AOAH: variants seen among roughly 807,000 people sequenced by gnomAD.
The protein encoded by AOAH is acyloxyacyl hydrolase (neutrophil).
Under a neutral mutation model 92.2 loss-of-function variants are expected in AOAH, and 64 were observed. The ratio of observed to expected loss-of-function variants is 0.69; its 90% CI spans 0.57 to 0.86. The LOEUF is 0.86. Ranked by LOEUF, AOAH falls within the 40% of genes least tolerant of loss-of-function variation. The probability of loss-of-function intolerance (pLI) is 0.00; values close to 1 mark genes in which losing one functional copy is unlikely to be tolerated. For synonymous variants in AOAH, 263 were observed against 254.5 expected, an observed-to-expected ratio of 1.03 and a Z score of -0.32; for missense variants, 656 against 694.6, an observed-to-expected ratio of 0.94 and a Z score of 0.62.
At position 36,653,317 on chromosome 7, in the gene AOAH, A is replaced by AT. The variant is rs1465638815; in HGVS notation, c.390+5848_390+5849insA. Among the ~76,000 whole-genome samples the AT allele has an allele frequency of 1.1e-4, 17 of 152,350 alleles. No individual in the cohort carries two copies. In the South Asian group the frequency reaches 3.5e-3, roughly 32 times the overall value. On this transcript the variant is annotated intron_variant, in intron 4 of 20. Transcript: ENST00000617537. ...TTTTCTAAACACTACCACCTGAGACAGTCTACTAAAAGAGATGCCAGGTAT... is the reference window on the plus strand; with the variant it reads ...TTTTCTAAACACTACCACCTGAGACATGTCTACTAAAAGAGATGCCAGGTAT...
chr7:36,517,156 G>GTCTGTCTT lies in AOAH; in HGVS notation c.1600-3777_1600-3776insAAGACAGA, dbSNP rs1554360834. ...CCCTTTCCTCTCTTTATCCATGTTA[G>GTCTGTCTT]TCTTTCTTTCTTTCTTTCTTTCTTT... On this transcript the variant is annotated intron_variant, in intron 20 of 20. Transcript: ENST00000617537. 1.8e-3 allele frequency among the ~76,000 whole-genome samples: 175 copies of GTCTGTCTT among 95,498 alleles called. 3 individuals are homozygous for GTCTGTCTT. Among genetic ancestry groups the GTCTGTCTT allele is most frequent in the African/African-American group, 5.7e-3 (138 of 24,300 alleles). The allele number at this position is 95,498 out of a possible 152,430, so 62.7% of individuals were successfully genotyped here.
At chr7:36,552,723 C>G (rs113874916) in intron 13 of AOAH, among the ~76,000 whole-genome samples, 20,076 of 152,174 alleles carry the variant, frequency 0.13, 1,391 homozygotes, top group African/African-American at 0.16. Context: ...TTGCTCCCCT[C>G]CATGCCTCCC....
intron 4 of AOAH, among the ~76,000 whole-genome samples, chr7:36,642,950 T>C (rs144627874): frequency 1.3e-5 from 2 of 152,366 alleles, no homozygotes; most frequent in East Asian, 3.9e-4. Flanking sequence ...AGTTTCTTCA[T>C]CTGTAAAGTG....
At chr7:36,572,283 G>A (rs1411550078) in intron 13 of AOAH, among the ~76,000 whole-genome samples, 1 of 152,090 alleles carries the variant, frequency 6.6e-6, no homozygotes, top group Non-Finnish European at 1.5e-5. Context: ...AGGATTGCTT[G>A]AGCCCAAGAA....
At chr7:36,615,418 AC>A (rs1401957873) in intron 11 of AOAH, among the ~76,000 whole-genome samples, 2 of 152,208 alleles carry the variant, frequency 1.3e-5, no homozygotes, top group Non-Finnish European at 2.9e-5. Flanking sequence ...GGGCACCTGT[AC>A]TTTTATTTTG....
At chr7:36,562,425 G>C (rs1787341383) in intron 13 of AOAH, among the ~76,000 whole-genome samples, 1 of 152,200 alleles carries the variant, frequency 6.6e-6, no homozygotes, top group Non-Finnish European at 1.5e-5. Context: ...TCTATATTCT[G>C]ATCCCTGCGA....
intron 19 of AOAH, among the ~76,000 whole-genome samples, chr7:36,528,930 TA>T (rs1446717513): frequency 6.6e-6 from 1 of 152,140 alleles, no homozygotes; most frequent in Non-Finnish European, 1.5e-5. Flanking sequence ...AGGTTCTGAT[TA>T]GGTAGGTCTG....
chr7:36,621,562 C>G, intron 8 of AOAH, 148 bp downstream of exon 8: 3 of 816,478 alleles, frequency 3.7e-6, no homozygotes, highest in Non-Finnish European at 2.0e-6. Context: ...GAATGCCGTT[C>G]TTTTTTCACT....
At chr7:36,630,954 G>A (rs571766225) in intron 6 of AOAH, among the ~76,000 whole-genome samples, 5 of 152,262 alleles carry the variant, frequency 3.3e-5, no homozygotes, top group Admixed American at 2.6e-4. Context: ...TTATTGTTGT[G>A]AGAACTAAGT....
chr7:36,609,526 C>T (rs115686166), intron 11 of AOAH, among the ~76,000 whole-genome samples: 2,975 of 152,260 alleles, frequency 0.02, 92 homozygotes, highest in African/African-American at 0.068. Flanking sequence ...AGCTCCTCCT[C>T]AGAAGGCTGG....
At chr7:36,672,542 T>C (rs1795997507) in intron 3 of AOAH, among the ~76,000 whole-genome samples, 15 of 152,180 alleles carry the variant, frequency 9.9e-5, no homozygotes, top group Admixed American at 9.8e-4. Context: ...ACACCACATG[T>C]TCTCACTCAT....
intron 19 of AOAH, among the ~76,000 whole-genome samples, chr7:36,527,664 G>T (rs1052486213): frequency 2.0e-5 from 3 of 152,132 alleles, no homozygotes; most frequent in African/African-American, 7.2e-5. Flanking sequence ...TCTTTACGTG[G>T]GTTAGTTATT....
At chr7:36,546,933 A>G (rs183005664) in intron 15 of AOAH, among the ~76,000 whole-genome samples, 1 of 152,336 alleles carries the variant, frequency 6.6e-6, no homozygotes, top group East Asian at 1.9e-4. Context: ...TATATTTTAA[A>G]AAGTGAATGA....
chr7:36,556,969 A>G (rs1213512946), intron 13 of AOAH, among the ~76,000 whole-genome samples: 1 of 151,598 alleles, frequency 6.6e-6, no homozygotes, highest in Non-Finnish European at 1.5e-5. Context: ...TAATTGGAGC[A>G]TTTAGTCCAT....
intron 12 of AOAH, among the ~76,000 whole-genome samples, chr7:36,588,110 GT>G (rs1253055980): frequency 6.6e-6 from 1 of 152,186 alleles, no homozygotes; most frequent in Non-Finnish European, 1.5e-5. Context: ...AATTAATAAT[GT>G]TTTTTCTGCT....
intron 11 of AOAH, among the ~76,000 whole-genome samples, chr7:36,610,973 C>T (rs115524300): frequency 1.9e-3 from 290 of 152,256 alleles, no homozygotes; most frequent in African/African-American, 6.5e-3. Context: ...CCCGGACGCA[C>T]GGGTGAGAAG....
intron 15 of AOAH, among the ~76,000 whole-genome samples, chr7:36,541,031 T>C (rs903713719): frequency 5.3e-5 from 8 of 152,252 alleles, no homozygotes; most frequent in African/African-American, 1.9e-4. Flanking sequence ...TATTTGACAC[T>C]TCGAGGTCTA....
intron 14 of AOAH, 85 bp downstream of exon 14, chr7:36,549,354 A>C: frequency 9.5e-7 from 1 of 1,053,484 alleles, no homozygotes; most frequent in Admixed American, 1.8e-5. Flanking sequence ...GCTCAGTAAA[A>C]ATGATTATGG....
At chr7:36,577,090 T>C (rs1427848716) in intron 12 of AOAH, among the ~76,000 whole-genome samples, 4 of 151,920 alleles carry the variant, frequency 2.6e-5, no homozygotes, top group Non-Finnish European at 4.4e-5. Context: ...TCAGCTTTAT[T>C]CTCCCTTCAT....
Sources: gnomAD v4.1 joint callset for allele counts (sites outside exome capture counted in the v4.1 genomes callset) on GRCh38, gnomAD v4.1.1 for gene constraint, MANE v1.5 for transcripts, NCBI Gene and HGNC (gene_info 2026-07-23, HGNC 2026-07-21) for gene names.